The following MYO9A variants were observed in gnomAD, a reference collection of about 807,000 sequenced individuals.
MYO9A encodes the protein unconventional myosin-IXa.
In MYO9A, 103 loss-of-function variants were observed where a neutral mutation model predicts 293.3. The observed-to-expected ratio is 0.35, with a 90% CI of 0.30 to 0.41. The LOEUF is 0.41. Ranked by LOEUF, MYO9A falls within the 10% of genes least tolerant of loss-of-function variation. The pLI is 1.00. For synonymous variants in MYO9A, 1,001 were observed against 1,035.7 expected, an observed-to-expected ratio of 0.97 and a Z score of 0.64; for missense variants, 2,685 against 3,033.0, an observed-to-expected ratio of 0.89 and a Z score of 2.69.
intron 39 of MYO9A, chr15:71,847,288 G>T: frequency 3.1e-6 from 1 of 320,148 alleles, no homozygotes; most frequent in Non-Finnish European, 7.0e-6. Flanking sequence ...TCAAAAAGTA[G>T]AACCTGACTT....
chr15:71,939,864 A>G (rs989257809), intron 15 of MYO9A, among the ~76,000 whole-genome samples: 8 of 152,194 alleles, frequency 5.3e-5, no homozygotes, highest in African/African-American at 1.9e-4. Context: ...GTAGGCAGAA[A>G]ATCCTATGGA....
intron 32 of MYO9A, among the ~76,000 whole-genome samples, chr15:71,865,818 T>C (rs2056304534): frequency 6.6e-6 from 1 of 152,242 alleles, no homozygotes; most frequent in African/African-American, 2.4e-5. Flanking sequence ...TTTTGTTATA[T>C]GAATTTTATC....
Position 71,899,707 on chromosome 15 carries a change from T to G in MYO9A, c.3450A>C (p.Arg1150Ser). The G allele has an allele frequency of 6.2e-7, 1 of 1,613,622 alleles. No homozygotes were observed. Among genetic ancestry groups the G allele is most frequent in the Non-Finnish European group, 8.5e-7 (1 of 1,179,812 alleles). Residue 1150 changes from arginine to serine, a missense_variant, in exon 24 of 42, where the codon AGA (arginine) becomes AGC (serine). Transcript: ENST00000356056. ...KKIILLQSTC[R>S]GFRARQRFKA... ...ATTACCTTTGTCTTGCTCTGAATCC[T>G]CTACATGTTGATTGCAAAAGGATAA...
At chr15:71,870,963 A>G (rs1348415755) in intron 32 of MYO9A, among the ~76,000 whole-genome samples, 2 of 152,254 alleles carry the variant, frequency 1.3e-5, no homozygotes, top group Admixed American at 1.3e-4. Flanking sequence ...TGGGCAGACA[A>G]CTGATACACT....
intron 2 of MYO9A, among the ~76,000 whole-genome samples, chr15:72,043,178 C>A (rs903682806): frequency 1.1e-4 from 17 of 151,976 alleles, no homozygotes; most frequent in African/African-American, 4.1e-4. Flanking sequence ...ATACTAGCAA[C>A]AAACAATTGA....
At chr15:72,089,475 T>C (rs1168812784) in intron 1 of MYO9A, among the ~76,000 whole-genome samples, 2 of 152,066 alleles carry the variant, frequency 1.3e-5, no homozygotes, top group Non-Finnish European at 2.9e-5. Context: ...TGGGTCATTT[T>C]TATTCCTTCA....
intron 16 of MYO9A, 38 bp from the exon 17 acceptor site, chr15:71,935,522 T>A: frequency 6.4e-7 from 1 of 1,574,724 alleles, no homozygotes; most frequent in Non-Finnish European, 8.7e-7. Context: ...AATGAAGACG[T>A]CTCTAACACT....
chr15:72,045,612 T>A, intron 2 of MYO9A, 112 bp downstream of exon 2: 1 of 1,205,814 alleles, frequency 8.3e-7, no homozygotes, highest in Non-Finnish European at 1.1e-6. Flanking sequence ...TCTTGCTTGA[T>A]CTACTCCACA....
chr15:71,837,686 CAAAACAA>C (rs1222496404), intron 39 of MYO9A, among the ~76,000 whole-genome samples: 7 of 151,686 alleles, frequency 4.6e-5, no homozygotes, highest in Non-Finnish European at 1.0e-4. Flanking sequence ...AAGCATTAAA[CAAAACAA>C]AGAAAAATGG....
At chr15:71,997,585 C>T (rs141050346) in intron 9 of MYO9A, among the ~76,000 whole-genome samples, 2,271 of 151,508 alleles carry the variant, frequency 0.015, 61 homozygotes, top group African/African-American at 0.052. Flanking sequence ...GGTAAGAGTG[C>T]GAGACTCGTC....
At chr15:72,055,838 A>G (rs1437743118) in intron 1 of MYO9A, among the ~76,000 whole-genome samples, 1 of 152,152 alleles carries the variant, frequency 6.6e-6, no homozygotes, top group Non-Finnish European at 1.5e-5. Context: ...TGTGGTGAAA[A>G]GAGAACACAC....
chr15:71,930,129 T>C (rs897308218), intron 18 of MYO9A, among the ~76,000 whole-genome samples: 1 of 152,212 alleles, frequency 6.6e-6, no homozygotes, highest in African/African-American at 2.4e-5. Context: ...GCCTGTAATG[T>C]CCTGAAGAAT....
At chr15:71,936,352 T>C (rs753868779) in intron 16 of MYO9A, among the ~76,000 whole-genome samples, 6 of 152,090 alleles carry the variant, frequency 3.9e-5, no homozygotes, top group Non-Finnish European at 7.4e-5. Context: ...GCAGAGAGGT[T>C]GGTCAATGGG....
In MYO9A at chr15:71,897,917, G is replaced by A; in HGVS notation, c.4586C>T (p.Ala1529Val). ...QTDILEKERK[A>V]FKTIEKPRIG... ...TCTTGGCTTTTCAATTGTCTTGAAG[G>A]CTTTGCGCTCCTTCTCTAAAATATC... The change falls in exon 25 of 42, where the codon GCC becomes GTC. Residue 1529 changes from alanine to valine, a missense_variant. Transcript: ENST00000356056. 2 of 1,614,130 alleles carry A rather than the reference G, an allele frequency of 1.2e-6. No homozygotes were observed. Among genetic ancestry groups the A allele is most frequent in the Non-Finnish European group, 1.7e-6 (2 of 1,180,028 alleles).
intron 34 of MYO9A, among the ~76,000 whole-genome samples, chr15:71,855,922 C>A (rs1183480578): frequency 6.6e-6 from 1 of 152,188 alleles, no homozygotes; most frequent in Non-Finnish European, 1.5e-5. Context: ...CTTACTTGAA[C>A]TGATTCTAAT....
rs368802809 is a variant in MYO9A, at chr15:71,979,735, T to C, written c.1723-1443A>G. 3.5e-4 allele frequency among the ~76,000 whole-genome samples: 54 copies of C among 152,338 alleles called. 1 individual carries two copies. The South Asian group carries it at 0.011, about 32-fold the overall frequency. On this transcript the variant is annotated intron_variant, in intron 11 of 41. Coordinates refer to ENST00000356056, the MANE Select transcript of MYO9A (RefSeq NM_006901.4). ...AAAAAGCCTTAAAAGATCTGGCCCTTATAGAAAAAGTGTGCCAAACTCTGC... is the reference window on the plus strand; with the variant it reads ...AAAAAGCCTTAAAAGATCTGGCCCTCATAGAAAAAGTGTGCCAAACTCTGC...
chr15:71,843,175 T>A (rs1202061129), intron 39 of MYO9A, among the ~76,000 whole-genome samples: 3 of 152,102 alleles, frequency 2.0e-5, no homozygotes, highest in African/African-American at 7.2e-5. Context: ...ATGCCTGTAA[T>A]CCCAGCACTT....
intron 1 of MYO9A, among the ~76,000 whole-genome samples, chr15:72,066,086 T>C (rs2079012401): frequency 6.6e-6 from 1 of 152,180 alleles, no homozygotes; most frequent in Non-Finnish European, 1.5e-5. Flanking sequence ...CTGGTGCACA[T>C]AAGAAGATGA....
intron 1 of MYO9A, among the ~76,000 whole-genome samples, chr15:72,054,758 G>C (rs1348741115): frequency 6.7e-6 from 1 of 149,386 alleles, no homozygotes; most frequent in Non-Finnish European, 1.5e-5. Flanking sequence ...GAACACAACT[G>C]TATGATTATA....
Sources: allele counts gnomAD v4.1 joint callset (sites outside exome capture counted in the v4.1 genomes callset), GRCh38; gene constraint gnomAD v4.1.1; transcripts MANE v1.5; gene names NCBI Gene and HGNC (gene_info 2026-07-23, HGNC 2026-07-21).